Variants in MTUS1 observed in about 807,000 individuals in gnomAD.
MTUS1 encodes microtubule-associated tumor suppressor 1.
A neutral mutation model predicts 120.8 loss-of-function variants in MTUS1; 109 were observed. The observed-to-expected ratio is 0.90, with a 90% CI of 0.77 to 1.06. The LOEUF (loss-of-function observed/expected upper bound fraction) is 1.06, where lower values mean the gene tolerates loss of function less well. MTUS1 is among the 50% of genes least tolerant of loss of function. The probability of loss-of-function intolerance (pLI) is 0.00; values close to 1 mark genes in which losing one functional copy is unlikely to be tolerated. For synonymous variants in MTUS1, 737 were observed against 550.5 expected, an observed-to-expected ratio of 1.34 and a Z score of -4.74; for missense variants, 2,210 against 1,486.3, an observed-to-expected ratio of 1.49 and a Z score of -8.01.
chr8:17,764,139 G>T (rs1205137814), intron 1 of MTUS1, among the ~76,000 whole-genome samples: 1 of 152,152 alleles, frequency 6.6e-6, no homozygotes, highest in Non-Finnish European at 1.5e-5. Context: ...TACTTTGAAA[G>T]AAGAGAACAA....
Position 17,754,308 on chromosome 8 carries a change from T to C in MTUS1, c.1500A>G (p.Ile500Met). Residue 500 changes from isoleucine to methionine, a missense_variant, in exon 2 of 15, where the codon ATA becomes ATG. By Grantham distance (10) the Ile-to-Met change is conservative. Transcript: ENST00000693296. Reference sequence around the variant, plus strand: ...TCTTGAAGTTTGGTCTTGGGTAACTTATAATTTCAGTTTTTCTAACTTTGC... The same window carrying C: ...TCTTGAAGTTTGGTCTTGGGTAACTCATAATTTCAGTTTTTCTAACTTTGC... ...IGCKVRKTEI[I>M]SYPRPNFKNV... 6.2e-7 allele frequency: 1 copy of C among 1,614,134 alleles called. No individual in the cohort carries two copies. The highest frequency in any genetic ancestry group is 1.1e-5 in the South Asian group (1 of 91,078).
intron 8 of MTUS1, among the ~76,000 whole-genome samples, chr8:17,672,551 A>T (rs1812243656): frequency 6.6e-6 from 1 of 152,194 alleles, no homozygotes; most frequent in South Asian, 2.1e-4. Flanking sequence ...TAACAATCCC[A>T]CTGGCAGCCT....
chr8:17,697,132 C>T (rs1055546243), intron 6 of MTUS1: 2 of 1,228,060 alleles, frequency 1.6e-6, no homozygotes, highest in Admixed American at 5.1e-5. Flanking sequence ...TAAGCCTCAT[C>T]TCTCATTAGA....
chr8:17,730,072 G>A (rs1295752814), intron 3 of MTUS1, among the ~76,000 whole-genome samples: 1 of 151,948 alleles, frequency 6.6e-6, no homozygotes, highest in Admixed American at 6.6e-5. Context: ...CAAGGCTAGC[G>A]GGAATGTAAC....
At chr8:17,718,511 C>G (rs1822760038) in intron 4 of MTUS1, among the ~76,000 whole-genome samples, 1 of 152,072 alleles carries the variant, frequency 6.6e-6, no homozygotes, top group African/African-American at 2.4e-5. Flanking sequence ...TTTGCCTTCA[C>G]AACTCACTGT....
intron 13 of MTUS1, among the ~76,000 whole-genome samples, chr8:17,649,204 C>A (rs568652534): frequency 5.3e-5 from 8 of 152,110 alleles, no homozygotes; most frequent in African/African-American, 1.7e-4. Flanking sequence ...TTACAGGCAC[C>A]CACCACCACA....
chr8:17,785,077 G>A (rs749132932), intron 1 of MTUS1, among the ~76,000 whole-genome samples: 47 of 152,076 alleles, frequency 3.1e-4, no homozygotes, highest in Non-Finnish European at 2.1e-4. Flanking sequence ...GATCCACTGC[G>A]CCCCACCTAT....
chr8:17,729,172 C>T (rs959897352), intron 3 of MTUS1, among the ~76,000 whole-genome samples: 1 of 152,136 alleles, frequency 6.6e-6, no homozygotes, highest in Non-Finnish European at 1.5e-5. Flanking sequence ...AGACAGTTAC[C>T]TTTAGAGTAA....
chr8:17,717,855 G>C (rs1429003871), intron 4 of MTUS1, among the ~76,000 whole-genome samples: 1 of 152,042 alleles, frequency 6.6e-6, no homozygotes, highest in African/African-American at 2.4e-5. Context: ...CCCATCATCA[G>C]CTTCATAACA....
intron 1 of MTUS1, among the ~76,000 whole-genome samples, chr8:17,756,848 G>T (rs1056306902): frequency 1.3e-5 from 2 of 152,090 alleles, no homozygotes; most frequent in Admixed American, 1.3e-4. Context: ...CCAAATTAGG[G>T]TACACTGAGA....
At chr8:17,758,963 C>T (rs2048832024) in intron 1 of MTUS1, among the ~76,000 whole-genome samples, 1 of 152,200 alleles carries the variant, frequency 6.6e-6, no homozygotes, top group Non-Finnish European at 1.5e-5. Flanking sequence ...CTCACTGCAA[C>T]GTCCGCCTCC....
intron 5 of MTUS1, 123 bp from the exon 6 acceptor site, chr8:17,713,375 G>T (rs1821711123): frequency 1.7e-6 from 1 of 604,632 alleles, no homozygotes; most frequent in Non-Finnish European, 2.9e-6. Flanking sequence ...GTTCCCGGTG[G>T]GAAATATCAC....
intron 3 of MTUS1, among the ~76,000 whole-genome samples, chr8:17,738,370 G>A (rs2047076973): frequency 6.6e-6 from 1 of 152,094 alleles, no homozygotes; most frequent in Non-Finnish European, 1.5e-5. Context: ...ATCCTACCTG[G>A]CTCAGGCTGG....
In MTUS1 at chr8:17,658,513, T is replaced by C. The variant is rs528980279; in HGVS notation, c.2906-2448A>G. Reference sequence around the variant, plus strand: ...GACATTCCCAGTCTTCTGTCACCGATGTGTAAATACAGGCAGACAGGGTAC... The same window carrying C: ...GACATTCCCAGTCTTCTGTCACCGACGTGTAAATACAGGCAGACAGGGTAC... On this transcript the variant is annotated intron_variant, in intron 8 of 14. Coordinates refer to ENST00000693296, the MANE Select transcript of MTUS1 (RefSeq NM_001363059.2). Among the ~76,000 whole-genome samples, 6 of 152,310 alleles carry C rather than the reference T, an allele frequency of 3.9e-5. No homozygotes were observed. In the South Asian group the frequency reaches 1.2e-3, roughly 32 times the overall value.
intron 3 of MTUS1, chr8:17,724,302 T>G (rs1563271930): frequency 5.0e-6 from 1 of 199,012 alleles, no homozygotes; most frequent in Non-Finnish European, 1.0e-5. Context: ...GAAAGAGAGA[T>G]CTCAGGAAAT....
chr8:17,692,258 T>A (rs1239607973), intron 6 of MTUS1: 1 of 152,144 alleles, frequency 6.6e-6, no homozygotes, highest in Non-Finnish European at 1.5e-5. Flanking sequence ...CCCTTCCAGG[T>A]CGAGTCATGT....
In MTUS1 at chr8:17,713,245, C is replaced by T. The variant is rs750235000; in HGVS notation, c.2592G>A (p.Ser864=). 11 of 1,578,368 alleles carry T rather than the reference C, an allele frequency of 7.0e-6. No individual in the cohort carries two copies. The highest frequency in any genetic ancestry group is 2.2e-5 in the South Asian group (2 of 89,048). The change falls in exon 6 of 15, where the codon TCG becomes TCA. Residue 864 remains serine (S), a synonymous_variant. Transcript: ENST00000693296. ...TAAGAGCTGTAAATAAATTTTTTCT[C>T]GAAGGACCTAAGATATAAAAGAAAC... ...HLMKTPPKGP[S]RKNLFTALNA...
intron 3 of MTUS1, among the ~76,000 whole-genome samples, chr8:17,740,066 G>A (rs545053650): frequency 8.6e-4 from 131 of 152,208 alleles, no homozygotes; most frequent in Non-Finnish European, 1.5e-3. Context: ...AATTAGTTGG[G>A]CGTGGTGGTG....
chr8:17,760,913 C>CAAGGTATAACACCAGAACA (rs2048992394), intron 1 of MTUS1, among the ~76,000 whole-genome samples: 2 of 150,976 alleles, frequency 1.3e-5, no homozygotes, highest in Non-Finnish European at 2.9e-5. Flanking sequence ...AACACCAGAA[C>CAAGGTATAACACCAGAACA]AAGGTATAAC....
Sources: gnomAD v4.1 joint callset for allele counts (sites outside exome capture counted in the v4.1 genomes callset) on GRCh38, gnomAD v4.1.1 for gene constraint, MANE v1.5 for transcripts, NCBI Gene and HGNC (gene_info 2026-07-23, HGNC 2026-07-21) for gene names.